Variants in MTUS2 observed in about 807,000 individuals in gnomAD.
MTUS2 encodes microtubule-associated tumor suppressor candidate 2.
Under a neutral mutation model 114.1 loss-of-function variants are expected in MTUS2, and 40 were observed. That is an observed-to-expected ratio of 0.35 (90% CI 0.27 to 0.46). The LOEUF is 0.46. Ranked by LOEUF, MTUS2 falls within the 20% of genes least tolerant of loss-of-function variation. The pLI is 1.00. For missense variants in MTUS2, 1,679 were observed against 1,705.4 expected (o/e 0.98, Z 0.27); for synonymous variants, 688 against 672.0 (o/e 1.02, Z -0.37).
intron 6 of MTUS2, among the ~76,000 whole-genome samples, chr13:29,315,504 A>G (rs139516942): frequency 6.6e-6 from 1 of 152,322 alleles, no homozygotes; most frequent in African/African-American, 2.4e-5. Flanking sequence ...CAAAGAATGA[A>G]AAGGAAAAAA....
chr13:29,480,132 C>G lies in MTUS2; in HGVS notation c.3185-18C>G, dbSNP rs1298688704. On this transcript the variant is annotated intron_variant, in intron 9 of 15. Coordinates refer to ENST00000612955, the MANE Select transcript of MTUS2 (RefSeq NM_001033602.4). This position sits in a 1 kb window ranked among gnomAD's most constrained non-coding sequence, Gnocchi z 4.4. Reference sequence around the variant, plus strand: ...CTACGGCCATTTTTTAAAGAAAGATCTTGTGCTTTGCGCCCAGCCTTCCAT... The same window carrying G: ...CTACGGCCATTTTTTAAAGAAAGATGTTGTGCTTTGCGCCCAGCCTTCCAT... 13 of 1,551,276 alleles carry G rather than the reference C, an allele frequency of 8.4e-6. No individual in the cohort carries two copies. The highest frequency in any genetic ancestry group is 9.6e-6 in the Non-Finnish European group (11 of 1,146,828).
At chr13:28,850,806 C>T (rs1876220102) in intron 2 of MTUS2, among the ~76,000 whole-genome samples, 1 of 152,120 alleles carries the variant, frequency 6.6e-6, no homozygotes, top group African/African-American at 2.4e-5. Context: ...TATAAAATTT[C>T]ATTATTATAC....
chr13:29,210,233 G>A (rs927394537), intron 5 of MTUS2, among the ~76,000 whole-genome samples: 9 of 151,870 alleles, frequency 5.9e-5, no homozygotes, highest in African/African-American at 2.2e-4. Context: ...ACTTTCCAGT[G>A]TATTTTGTGT....
chr13:28,921,860 C>T (rs999467609), intron 2 of MTUS2, among the ~76,000 whole-genome samples: 3 of 152,182 alleles, frequency 2.0e-5, no homozygotes, highest in Non-Finnish European at 4.4e-5. Flanking sequence ...CTTTCCCTCT[C>T]CCAAGTGCAC....
intron 5 of MTUS2, among the ~76,000 whole-genome samples, chr13:29,151,225 G>A (rs1382151939): frequency 6.6e-6 from 1 of 152,050 alleles, no homozygotes; most frequent in African/African-American, 2.4e-5. Context: ...TTTCAGGAGT[G>A]TTTTGTAGTC....
At chr13:29,491,074 A>AGT (rs1049794738) in intron 11 of MTUS2, among the ~76,000 whole-genome samples, 1 of 135,616 alleles carries the variant, frequency 7.4e-6, no homozygotes, top group East Asian at 2.2e-4. Context: ...GGGATGTGGG[A>AGT]GTGTGTGTGT....
chr13:29,494,976 A>G (rs992183486), intron 12 of MTUS2, among the ~76,000 whole-genome samples: 17 of 151,558 alleles, frequency 1.1e-4, no homozygotes, highest in Admixed American at 1.1e-3. Context: ...ACCTAAGGTC[A>G]GAGTTTGAGA....
At chr13:29,410,740 A>G in intron 8 of MTUS2, among the ~76,000 whole-genome samples, 2 of 152,308 alleles carry the variant, frequency 1.3e-5, no homozygotes, top group South Asian at 4.1e-4. Context: ...AAAAAATTAT[A>G]TAGTCACATT....
intron 9 of MTUS2, among the ~76,000 whole-genome samples, chr13:29,459,360 AC>A (rs909876865): frequency 6.6e-6 from 1 of 152,196 alleles, no homozygotes; most frequent in African/African-American, 2.4e-5. Context: ...TTCATACTTT[AC>A]ATCCAACAGG....
chr13:28,888,816 C>T lies in MTUS2; in HGVS notation c.-243+48966C>T, dbSNP rs573493489. ...AAAATCTGAAAAACAAGAGATATTT[C>T]GAGAGAGAGAATTGGTCCCTTGAGA... is the stretch of plus-strand genomic sequence containing the variant. On this transcript the variant is annotated intron_variant, in intron 2 of 15. Coordinates refer to ENST00000612955, the MANE Select transcript of MTUS2 (RefSeq NM_001033602.4). Among the ~76,000 whole-genome samples the T allele has an allele frequency of 2.0e-4, 31 of 152,042 alleles. 1 individual carries two copies. In the South Asian group the frequency reaches 4.6e-3, roughly 22 times the overall value.
intron 8 of MTUS2, among the ~76,000 whole-genome samples, chr13:29,399,794 A>G (rs1029528477): frequency 6.6e-6 from 1 of 152,208 alleles, no homozygotes; most frequent in Non-Finnish European, 1.5e-5. Context: ...GTAAAACCCA[A>G]AGGAGAACAA....
At chr13:29,354,827 A>G (rs1382985123) in intron 7 of MTUS2, among the ~76,000 whole-genome samples, 1 of 152,222 alleles carries the variant, frequency 6.6e-6, no homozygotes. Flanking sequence ...TTTGAAATAA[A>G]TTTAGATTGG....
At chr13:29,470,216 A>G (rs1421034030) in intron 9 of MTUS2, among the ~76,000 whole-genome samples, 1 of 152,174 alleles carries the variant, frequency 6.6e-6, no homozygotes, top group African/African-American at 2.4e-5. Flanking sequence ...ATAACTCAGT[A>G]CTGTATAAAA....
At chr13:28,931,972 A>G (rs1881642378) in intron 2 of MTUS2, among the ~76,000 whole-genome samples, 1 of 152,180 alleles carries the variant, frequency 6.6e-6, no homozygotes, top group Non-Finnish European at 1.5e-5. Flanking sequence ...TCATCCCTGC[A>G]TTACTTATAA....
chr13:29,464,002 G>T (rs976264721), intron 9 of MTUS2, among the ~76,000 whole-genome samples: 1 of 129,332 alleles, frequency 7.7e-6, no homozygotes, highest in Non-Finnish European at 1.5e-5. Flanking sequence ...CAAAAGAAAA[G>T]AAAAGAAAAG....
rs544544913 is a variant in MTUS2 at position 28,911,544 on chromosome 13, G to T, written c.-243+71694G>T. 2.3e-3 allele frequency among the ~76,000 whole-genome samples: 345 copies of T among 152,172 alleles called. 3 individuals carry two copies. The highest frequency in any genetic ancestry group is 7.8e-3 in the African/African-American group (326 of 41,534). On this transcript the variant is annotated intron_variant, in intron 2 of 15. Coordinates refer to ENST00000612955, the MANE Select transcript of MTUS2 (RefSeq NM_001033602.4). Reference sequence around the variant, plus strand: ...AGTAACGAGATTGCTGGGTAAAATGGTATTTCTGCCTCTTAGATTTTTGAG... The same window carrying T: ...AGTAACGAGATTGCTGGGTAAAATGTTATTTCTGCCTCTTAGATTTTTGAG...
At chr13:29,493,452 A>G (rs890422023) in intron 12 of MTUS2, among the ~76,000 whole-genome samples, 1 of 152,124 alleles carries the variant, frequency 6.6e-6, no homozygotes, top group Non-Finnish European at 1.5e-5. Context: ...CAGCAAAATT[A>G]TTTTTTAAAT....
chr13:29,423,552 A>AC (rs1593427870), intron 8 of MTUS2, among the ~76,000 whole-genome samples: 1 of 152,056 alleles, frequency 6.6e-6, no homozygotes, highest in Non-Finnish European at 1.5e-5. Context: ...GCATCAAAAA[A>AC]CAGTAATTAG....
chr13:29,408,774 T>C (rs536319035), intron 8 of MTUS2, among the ~76,000 whole-genome samples: 1 of 152,306 alleles, frequency 6.6e-6, no homozygotes, highest in East Asian at 1.9e-4. Context: ...CTATGTCATT[T>C]AGCAAGTTTC....
Sources: allele counts gnomAD v4.1 joint callset (sites outside exome capture counted in the v4.1 genomes callset), GRCh38; gene constraint gnomAD v4.1.1; non-coding constraint Gnocchi (gnomAD v3.1); transcripts MANE v1.5; gene names NCBI Gene and HGNC (gene_info 2026-07-23, HGNC 2026-07-21).